SPATS2: variants seen among roughly 807,000 people sequenced by gnomAD.
SPATS2 encodes the protein spermatogenesis-associated serine-rich protein 2.
A neutral mutation model predicts 63.7 loss-of-function variants in SPATS2; 38 were observed. The ratio of observed to expected loss-of-function variants is 0.60; its 90% CI spans 0.46 to 0.78. SPATS2 has a LOEUF of 0.78. Among genes scored for constraint, SPATS2 ranks in the 30% least tolerant of loss-of-function variants. The pLI, the probability that SPATS2 is intolerant of heterozygous loss-of-function variation, is 0.00. For missense variants in SPATS2, 588 were observed against 666.2 expected (o/e 0.88, Z 1.29); for synonymous variants, 207 against 232.9 (o/e 0.89, Z 1.01).
At chr12:49,418,108 GTTTTTTT>G (rs760281633) in intron 2 of SPATS2, among the ~76,000 whole-genome samples, 1 of 76,050 alleles carries the variant, frequency 1.3e-5, no homozygotes, top group African/African-American at 6.5e-5. Context: ...AAATGACTCA[GTTTTTTT>G]TTTTTTTTTT....
At chr12:49,513,199 G>T (rs745933784) in intron 9 of SPATS2, among the ~76,000 whole-genome samples, 1 of 147,880 alleles carries the variant, frequency 6.8e-6, no homozygotes, top group Admixed American at 6.7e-5. Context: ...GAATTAGAGC[G>T]AGAGAGAAAG....
chr12:49,402,576 G>A (rs1310594021), intron 2 of SPATS2, among the ~76,000 whole-genome samples: 1 of 152,166 alleles, frequency 6.6e-6, no homozygotes, highest in Non-Finnish European at 1.5e-5. Context: ...CGTATGAGAG[G>A]TGGTCAAGGA....
intron 2 of SPATS2, chr12:49,406,687 A>G (rs576819790): frequency 2.0e-5 from 3 of 152,116 alleles, no homozygotes; most frequent in South Asian, 2.1e-4. Flanking sequence ...TGCTACTTCT[A>G]TCTTTTGGTG....
At position 49,484,621 on chromosome 12, in the gene SPATS2, C is replaced by T. The variant is rs1475084624; in HGVS notation, c.57C>T (p.Ser19=). ...DSSGFIFDLQ[S]NTVLAQGGAF... ...CAGGATTCATTTTTGATTTGCAGTC[C>T]AATACCGTACTGGCCCAGGGAGGAG... is the stretch of plus-strand genomic sequence containing the variant. Residue 19 remains serine (S), a synonymous_variant, in exon 4 of 14, where the codon TCC becomes TCT. Transcript: ENST00000552918. The T allele has an allele frequency of 3.7e-6, 6 of 1,613,734 alleles. No individual in the cohort carries two copies. Among genetic ancestry groups the T allele is most frequent in the African/African-American group, 1.3e-5 (1 of 74,856 alleles).
In SPATS2 at chr12:49,527,193, C is replaced by CT. The variant is rs1947049820; in HGVS notation, c.*939dup. On this transcript the variant is annotated 3_prime_UTR_variant, in exon 14 of 14. Transcript: ENST00000552918. ...AGTGAGCTGAGATTGTGCCACTGCA[C>CT]TCCAGCCTGGGAGACAGAGCAAGAC... 6.7e-6 allele frequency: 1 copy of CT among 149,120 alleles called. No individual in the cohort carries two copies. The highest frequency in any genetic ancestry group is 2.0e-4 in the East Asian group (1 of 5,048). The allele number at this position is 149,120 out of a possible 1,614,324, so 9.2% of individuals were successfully genotyped here. A position where few individuals can be genotyped will look rare whatever the true frequency, so the allele number is the denominator to read the frequency against.
At chr12:49,522,693 A>C in intron 11 of SPATS2, 58 bp from the exon 12 acceptor site, 4 of 1,372,820 alleles carry the variant, frequency 2.9e-6, no homozygotes, top group Non-Finnish European at 4.1e-6. Context: ...ATAGCAAGTT[A>C]TAGATTCCAT....
intron 10 of SPATS2, among the ~76,000 whole-genome samples, chr12:49,518,544 A>C (rs1276545923): frequency 1.3e-5 from 2 of 152,218 alleles, no homozygotes; most frequent in Non-Finnish European, 2.9e-5. Flanking sequence ...AGATATATTA[A>C]GTAAAAATAG....
intron 11 of SPATS2, among the ~76,000 whole-genome samples, chr12:49,520,531 A>C (rs1946923598): frequency 6.6e-6 from 1 of 152,092 alleles, no homozygotes; most frequent in Non-Finnish European, 1.5e-5. Flanking sequence ...TGTCTTCCCC[A>C]CTAGATAGTG....
At chr12:49,517,880 T>C (rs1281076743) in intron 10 of SPATS2, among the ~76,000 whole-genome samples, 4 of 152,198 alleles carry the variant, frequency 2.6e-5, no homozygotes, top group African/African-American at 9.7e-5. Context: ...CTGATAGCCC[T>C]GAATGTTCCT....
intron 2 of SPATS2, among the ~76,000 whole-genome samples, chr12:49,386,766 T>C (rs2137221374): frequency 6.6e-6 from 1 of 152,240 alleles, no homozygotes; most frequent in East Asian, 1.9e-4. Context: ...TGCTGGAGTT[T>C]GGGTATGTGA....
At chr12:49,476,649 A>G (rs1227075081) in intron 3 of SPATS2, among the ~76,000 whole-genome samples, 1 of 152,198 alleles carries the variant, frequency 6.6e-6, no homozygotes, top group Non-Finnish European at 1.5e-5. Context: ...TTTGAGCAGC[A>G]GGGCACTGAA....
At chr12:49,384,296 G>T (rs577021288) in intron 2 of SPATS2, among the ~76,000 whole-genome samples, 1 of 152,250 alleles carries the variant, frequency 6.6e-6, no homozygotes, top group Admixed American at 6.5e-5. Flanking sequence ...TGTTAAATAT[G>T]ATTTCTTTTC....
intron 3 of SPATS2, among the ~76,000 whole-genome samples, chr12:49,479,033 G>A (rs553509234): frequency 3.3e-5 from 5 of 152,238 alleles, no homozygotes; most frequent in African/African-American, 4.8e-5. Context: ...CCAGCAGGTC[G>A]TCCCATTGTC....
At chr12:49,404,734 TC>T (rs1404299304) in intron 2 of SPATS2, among the ~76,000 whole-genome samples, 1 of 152,044 alleles carries the variant, frequency 6.6e-6, no homozygotes, top group African/African-American at 2.4e-5. Flanking sequence ...GAGAACAGAG[TC>T]ATCTGTTCTG....
At chr12:49,469,563 A>G (rs1403456409) in intron 3 of SPATS2, 4 of 427,016 alleles carry the variant, frequency 9.4e-6, no homozygotes, top group Non-Finnish European at 1.8e-5. Flanking sequence ...AAAAAAAAAA[A>G]AGAAAAAACA....
rs977813033 is a variant in SPATS2 at position 49,424,957 on chromosome 12, A to G, written c.-243-35813A>G. 2.6e-5 allele frequency among the ~76,000 whole-genome samples: 4 copies of G among 152,240 alleles called. No individual in the cohort carries two copies. In the South Asian group the frequency reaches 6.2e-4, roughly 24 times the overall value. On this transcript the variant is annotated intron_variant, in intron 2 of 13. Transcript: ENST00000552918. ...TGGCCTCCCAAAGTGCTGGGATAAC[A>G]GGAGTGAGCCACCACACCTGGCCCA...
chr12:49,469,205 C>T (rs1403197367), intron 3 of SPATS2, among the ~76,000 whole-genome samples: 2 of 151,756 alleles, frequency 1.3e-5, no homozygotes, highest in Non-Finnish European at 2.9e-5. Flanking sequence ...CGAGACCAGC[C>T]TGGCCAACAT....
chr12:49,381,495 A>G (rs551900823), intron 2 of SPATS2, among the ~76,000 whole-genome samples: 11 of 152,346 alleles, frequency 7.2e-5, no homozygotes, highest in African/African-American at 2.6e-4. Flanking sequence ...CCAAATCAAG[A>G]AATTAGAAAC....
intron 2 of SPATS2, among the ~76,000 whole-genome samples, chr12:49,393,975 T>C (rs137905301): frequency 6.6e-6 from 1 of 152,124 alleles, no homozygotes. Flanking sequence ...GAGCCACTGC[T>C]CCTGGCCAGC....
Sources: allele counts gnomAD v4.1 joint callset (sites outside exome capture counted in the v4.1 genomes callset), GRCh38; gene constraint gnomAD v4.1.1; transcripts MANE v1.5; gene names NCBI Gene and HGNC (gene_info 2026-07-23, HGNC 2026-07-21).